TRMT11: variants seen among roughly 807,000 people sequenced by gnomAD.
TRMT11 encodes the protein tRNA methyltransferase 11.
A neutral mutation model predicts 62.8 loss-of-function variants in TRMT11; 53 were observed. The ratio of observed to expected loss-of-function variants is 0.84; its 90% CI spans 0.68 to 1.06. The LOEUF is 1.06. Among genes scored for constraint, TRMT11 ranks in the 50% least tolerant of loss-of-function variants. TRMT11 has a pLI of 0.00. For missense variants in TRMT11, 556 were observed against 553.4 expected (o/e 1.00, Z -0.05); for synonymous variants, 188 against 190.3 (o/e 0.99, Z 0.10).
intron 1 of TRMT11, among the ~76,000 whole-genome samples, chr6:126,191,185 T>A (rs138516541): frequency 2.0e-4 from 30 of 152,328 alleles, no homozygotes; most frequent in African/African-American, 7.2e-4. Flanking sequence ...ATTTTCTTTA[T>A]GACTAGTCAT....
intron 21 of TRMT11, among the ~76,000 whole-genome samples, chr6:126,155,507 T>A (rs1026016167): frequency 9.9e-5 from 15 of 152,238 alleles, no homozygotes; most frequent in Non-Finnish European, 1.5e-4. Context: ...CCCGCAAATC[T>A]TAACTCATTA....
At chr6:126,045,363 G>A (rs1401674213) in intron 16 of TRMT11, among the ~76,000 whole-genome samples, 1 of 152,114 alleles carries the variant, frequency 6.6e-6, no homozygotes, top group Non-Finnish European at 1.5e-5. Flanking sequence ...TGATCATGAG[G>A]ATGGGATGCT....
intron 17 of TRMT11, among the ~76,000 whole-genome samples, chr6:126,057,475 T>C (rs1048636995): frequency 6.6e-6 from 1 of 152,228 alleles, no homozygotes; most frequent in African/African-American, 2.4e-5. Flanking sequence ...AAGTACCCTA[T>C]TGATTGGAAT....
chr6:126,096,392 G>T (rs958777503), intron 17 of TRMT11, among the ~76,000 whole-genome samples: 1 of 152,122 alleles, frequency 6.6e-6, no homozygotes, highest in Non-Finnish European at 1.5e-5. Flanking sequence ...GTAGATCATA[G>T]GTCACCCTCT....
rs1257320444 is a variant in TRMT11, at chr6:126,090,071, A to T, written c.*1438-22795A>T. Among the ~76,000 whole-genome samples, 3 of 152,190 alleles carry T rather than the reference A, an allele frequency of 2.0e-5. No individual in the cohort carries two copies. The East Asian group carries it at 5.8e-4, about 29-fold the overall frequency. On this transcript the variant is annotated intron_variant and NMD_transcript_variant, in intron 17 of 22. Transcript: ENST00000648977. ...CATGTCTGTGTGTCAAATGCCAGCC[A>T]GTCCTCCAAGACGCTCAGACATCTT...
chr6:126,013,287 T>A (rs1246389749), intron 11 of TRMT11, among the ~76,000 whole-genome samples, 186 bp downstream of exon 11: 1 of 152,026 alleles, frequency 6.6e-6, no homozygotes, highest in Non-Finnish European at 1.5e-5. Flanking sequence ...GACAAGGTCT[T>A]GCTCTGTCAC....
chr6:126,151,118 A>G (rs992388104), intron 21 of TRMT11, among the ~76,000 whole-genome samples: 29 of 152,278 alleles, frequency 1.9e-4, no homozygotes, highest in Admixed American at 9.2e-4. Context: ...TGGCATTTGC[A>G]TATACCTTGG....
chr6:126,185,348 AG>A, intron 1 of TRMT11, among the ~76,000 whole-genome samples: 1 of 152,162 alleles, frequency 6.6e-6, no homozygotes, highest in South Asian at 2.1e-4. Flanking sequence ...CTCTTTTTTC[AG>A]GGGACTCTTC....
At chr6:126,122,081 C>T (rs1406161412) in intron 21 of TRMT11, among the ~76,000 whole-genome samples, 6 of 152,006 alleles carry the variant, frequency 3.9e-5, no homozygotes, top group Admixed American at 1.3e-4. Context: ...GAGATCTGAT[C>T]GTTTTATAAA....
intron 1 of TRMT11, among the ~76,000 whole-genome samples, chr6:126,194,676 T>C (rs1346963500): frequency 6.6e-6 from 1 of 152,228 alleles, no homozygotes; most frequent in East Asian, 1.9e-4. Context: ...CTTTCAACTT[T>C]GTGAATCAAC....
chr6:126,262,268 T>C, the TRMT11 span, among the ~76,000 whole-genome samples: 1 of 152,170 alleles, frequency 6.6e-6, no homozygotes, highest in East Asian at 1.9e-4. Flanking sequence ...TGGGTGCACA[T>C]GAACTTGCCG....
At chr6:126,045,330 C>G (rs1033831464) in intron 16 of TRMT11, among the ~76,000 whole-genome samples, 1 of 152,002 alleles carries the variant, frequency 6.6e-6, no homozygotes, top group African/African-American at 2.4e-5. Flanking sequence ...AATCTCAGAC[C>G]CTTCATGGTT....
chr6:126,220,431 C>A, the TRMT11 span, among the ~76,000 whole-genome samples: 1 of 152,198 alleles, frequency 6.6e-6, no homozygotes, highest in African/African-American at 2.4e-5. Context: ...TCTTTATCCA[C>A]ACTGGTACCT....
In TRMT11 at chr6:126,038,792, G is replaced by T; in HGVS notation, c.1348G>T (p.Val450Leu). 1 of 1,603,380 alleles carries T rather than the reference G, an allele frequency of 6.2e-7. No homozygotes were observed. Among genetic ancestry groups the T allele is most frequent in the Non-Finnish European group, 8.5e-7 (1 of 1,175,642 alleles). Reference protein sequence around the residue: ...NSFREKYFSGVTKRIAKEEKS... With the variant: ...NSFREKYFSGLTKRIAKEEKS... The stretch of plus-strand genomic sequence containing the variant: ...CTTCCGTGAGAAATATTTTAGTGGG[G>T]TAACAAAAAGAATTGCCAAGGAAGA... Residue 450 changes from valine (V) to leucine (L), a missense_variant, in exon 13 of 13, where the codon GTA becomes TTA. Val to Leu is a conservative substitution (Grantham distance 32). Coordinates refer to ENST00000334379, the MANE Select transcript of TRMT11 (RefSeq NM_001031712.3).
chr6:126,005,125 T>C (rs953301832), intron 7 of TRMT11, among the ~76,000 whole-genome samples: 1 of 152,042 alleles, frequency 6.6e-6, no homozygotes, highest in East Asian at 1.9e-4. Flanking sequence ...GAATACCTAT[T>C]AATGGCACAG....
chr6:126,174,177 A>G (rs890205455), upstream of TRMT11, among the ~76,000 whole-genome samples: 2 of 152,164 alleles, frequency 1.3e-5, no homozygotes, highest in Non-Finnish European at 2.9e-5. Context: ...CAGGAATGGC[A>G]TTGGTGGAGT....
downstream of TRMT11, among the ~76,000 whole-genome samples, chr6:126,043,995 T>C (rs1038119844): frequency 6.6e-6 from 1 of 151,804 alleles, no homozygotes; most frequent in Non-Finnish European, 1.5e-5. Flanking sequence ...TTTCTCCCAT[T>C]CTGTAGGTTG....
chr6:126,258,265 G>C, the TRMT11 span: 1 of 546,806 alleles, frequency 1.8e-6, no homozygotes, highest in Non-Finnish European at 3.6e-6. Context: ...CGGCCCTGGG[G>C]GGTGGGCTCT....
intron 21 of TRMT11, among the ~76,000 whole-genome samples, chr6:126,132,321 A>G (rs1052377283): frequency 6.6e-6 from 1 of 152,034 alleles, no homozygotes; most frequent in Non-Finnish European, 1.5e-5. Context: ...TGAATTGTTC[A>G]GTTGCTTTTG....
Sources: allele counts gnomAD v4.1 joint callset (sites outside exome capture counted in the v4.1 genomes callset), GRCh38; gene constraint gnomAD v4.1.1; transcripts MANE v1.5; gene names NCBI Gene and HGNC (gene_info 2026-07-23, HGNC 2026-07-21).